POLD3: variants seen among roughly 807,000 people sequenced by gnomAD.
POLD3 encodes DNA polymerase delta 3, accessory subunit.
In POLD3, 19 loss-of-function variants were observed where a neutral mutation model predicts 58.2. The observed-to-expected ratio is 0.33, with a 90% confidence interval of 0.23 to 0.48. POLD3 has a LOEUF of 0.48. POLD3 is among the 20% of genes least tolerant of loss of function. The pLI is 0.99. For missense variants in POLD3, 504 were observed against 545.5 expected, an observed-to-expected ratio of 0.92 and a Z score of 0.76; for synonymous variants, 172 against 193.5, an observed-to-expected ratio of 0.89 and a Z score of 0.92.
Position 74,618,802 on chromosome 11 carries a change from A to C in POLD3, c.658A>C (p.Asn220His), listed in dbSNP as rs993175051. The change falls in exon 6 of 12, where the codon AAT becomes CAT. Residue 220 changes from asparagine to histidine, a missense_variant and splice_region_variant. Transcript: ENST00000263681. ...GAAAACAGAGGCTAAAGAAGTAACA[A>C]ATGTAAGTCTTCTTTGAAGATACCC... ...ETKTEAKEVT[N>H]ASAAGNKAPG... 1.2e-6 allele frequency: 2 copies of C among 1,608,722 alleles called. No homozygotes were observed. The highest frequency in any genetic ancestry group is 3.3e-5 in the Admixed American group (2 of 59,794).
intron 5 of POLD3, among the ~76,000 whole-genome samples, chr11:74,616,966 A>C (rs1591302713): frequency 6.6e-6 from 1 of 152,204 alleles, no homozygotes; most frequent in South Asian, 2.1e-4. Context: ...TTCTTTCAAC[A>C]TGTCGTTTCC....
chr11:74,640,602 A>T lies in POLD3; in HGVS notation c.1237A>T (p.Ser413Cys), dbSNP rs547610556. ...KVYESESCTD[S>C]EEELNMKTSS... ...CTACGAGAGTGAATCCTGCACAGAT[A>T]GTGAAGAGGAGCTTAACATGAAGAC... The change falls in exon 12 of 12, where the codon AGT (serine) becomes TGT (cysteine). Residue 413 changes from serine (S) to cysteine (C), a missense_variant. This residue lies in a region of POLD3 where 385 missense variants were observed against 370.5 expected (regional missense o/e 1.04). Transcript: ENST00000263681. 1 of 1,600,798 alleles carries T rather than the reference A, an allele frequency of 6.2e-7. No homozygotes were observed. The highest frequency in any genetic ancestry group is 8.5e-7 in the Non-Finnish European group (1 of 1,174,620).
intron 10 of POLD3, 48 bp downstream of exon 10, chr11:74,634,743 T>A: frequency 9.4e-7 from 1 of 1,061,030 alleles, no homozygotes; most frequent in Non-Finnish European, 1.5e-6. Context: ...CTTTGTGTCT[T>A]AAGGACCTAC....
At chr11:74,633,488 A>G (rs554274305) in intron 9 of POLD3, among the ~76,000 whole-genome samples, 1 of 152,312 alleles carries the variant, frequency 6.6e-6, no homozygotes, top group African/African-American at 2.4e-5. Flanking sequence ...CATAATTTTT[A>G]ACACTGACCT....
chr11:74,656,647 A>C (rs894468166), intron 4 of POLD3, among the ~76,000 whole-genome samples: 4 of 152,010 alleles, frequency 2.6e-5, no homozygotes, highest in Non-Finnish European at 5.9e-5. Context: ...ATGTAGTTTA[A>C]TTTCCATGTG....
chr11:74,610,753 C>G (rs1301432177), intron 3 of POLD3, among the ~76,000 whole-genome samples: 2 of 152,050 alleles, frequency 1.3e-5, no homozygotes, highest in East Asian at 3.9e-4. Context: ...AGAATTCACA[C>G]ATGTTTTCAT....
chr11:74,642,508 C>T lies in POLD3; in HGVS notation c.*1742C>T, dbSNP rs1178773996. On this transcript the variant is annotated 3_prime_UTR_variant, in exon 12 of 12. Coordinates refer to ENST00000263681, the MANE Select transcript of POLD3 (RefSeq NM_006591.3). ...TTTTCTAAAAATTATGCTGGGGTCTCGACTAAAACTGAATTTGAATTGGAA... is the reference window on the plus strand; with the variant it reads ...TTTTCTAAAAATTATGCTGGGGTCTTGACTAAAACTGAATTTGAATTGGAA... 1.9e-5 allele frequency: 19 copies of T among 984,642 alleles called. No homozygotes were observed. The highest frequency in any genetic ancestry group is 1.4e-4 in the South Asian group (3 of 21,276). The allele number at this position is 984,642 out of a possible 1,614,324, so 61.0% of individuals were successfully genotyped here.
chr11:74,653,641 A>G (rs1028074188), intron 4 of POLD3, among the ~76,000 whole-genome samples: 1 of 152,242 alleles, frequency 6.6e-6, no homozygotes, highest in Non-Finnish European at 1.5e-5. Flanking sequence ...AAAAAGGACA[A>G]AGAATAGATG....
At chr11:74,608,553 C>T (rs1160185852) in intron 3 of POLD3, among the ~76,000 whole-genome samples, 3 of 152,208 alleles carry the variant, frequency 2.0e-5, no homozygotes, top group East Asian at 1.9e-4. Flanking sequence ...CCCTAACTCC[C>T]GTGTCCACTT....
chr11:74,654,603 C>G (rs2033109708), intron 4 of POLD3, among the ~76,000 whole-genome samples: 1 of 152,158 alleles, frequency 6.6e-6, no homozygotes, highest in African/African-American at 2.4e-5. Flanking sequence ...TACTGACCCT[C>G]AAGTAAAAAT....
chr11:74,656,593 A>G (rs1246479252), intron 4 of POLD3, among the ~76,000 whole-genome samples: 2 of 152,038 alleles, frequency 1.3e-5, no homozygotes, highest in Admixed American at 1.3e-4. Flanking sequence ...TCTCAAAAAA[A>G]AAAATTCTTC....
At chr11:74,623,786 T>A (rs2032340324) in intron 7 of POLD3, among the ~76,000 whole-genome samples, 1 of 152,216 alleles carries the variant, frequency 6.6e-6, no homozygotes, top group African/African-American at 2.4e-5. Flanking sequence ...GGTGACTTGA[T>A]CATTCAGGTA....
chr11:74,667,523 C>A (rs1052860027), intron 4 of POLD3, among the ~76,000 whole-genome samples: 8 of 151,874 alleles, frequency 5.3e-5, no homozygotes, highest in Admixed American at 5.2e-4. Flanking sequence ...GAGTGAGACT[C>A]CGTCTCAAAA....
intron 3 of POLD3, among the ~76,000 whole-genome samples, chr11:74,609,344 TGATATATATATATATATATATATA>T (rs2031807177): frequency 1.5e-5 from 1 of 65,004 alleles, no homozygotes; most frequent in African/African-American, 7.0e-5. Context: ...CCATTGTTTT[TGATATATATATATATATATATATA>T]TATATTTTTT....
intron 7 of POLD3, among the ~76,000 whole-genome samples, chr11:74,621,105 G>A (rs1462881009): frequency 6.6e-6 from 1 of 152,100 alleles, no homozygotes; most frequent in Non-Finnish European, 1.5e-5. Flanking sequence ...GGCACAGTTG[G>A]TGCACAGGGA....
chr11:74,604,009 A>G (rs1201750888), intron 2 of POLD3, among the ~76,000 whole-genome samples: 1 of 152,248 alleles, frequency 6.6e-6, no homozygotes, highest in Non-Finnish European at 1.5e-5. Context: ...TTAATGAATT[A>G]TTCTGAATAC....
Position 74,632,517 on chromosome 11 carries a change from A to C in POLD3, c.1007-2066A>C, listed in dbSNP as rs539035108. Among the ~76,000 whole-genome samples the C allele has an allele frequency of 2.8e-4, 42 of 152,334 alleles. No homozygotes were observed. In the South Asian group the frequency reaches 8.3e-3, roughly 30 times the overall value. On this transcript the variant is annotated intron_variant, in intron 9 of 11. Coordinates refer to ENST00000263681, the MANE Select transcript of POLD3 (RefSeq NM_006591.3). Reference sequence around the variant, plus strand: ...TAGTACATGAATGGCGGCACGTTTAAACAAAGCAGTAGATATTTACAATTT... The same window carrying C: ...TAGTACATGAATGGCGGCACGTTTACACAAAGCAGTAGATATTTACAATTT...
At chr11:74,650,873 T>C (rs188927155) in intron 4 of POLD3, among the ~76,000 whole-genome samples, 485 of 152,308 alleles carry the variant, frequency 3.2e-3, no homozygotes, top group Non-Finnish European at 5.5e-3. Context: ...CTCTTCTTCA[T>C]GGACAGCATG....
intron 6 of POLD3, 116 bp downstream of exon 6, chr11:74,618,920 T>C (rs964114065): frequency 2.3e-6 from 2 of 886,908 alleles, no homozygotes; most frequent in African/African-American, 1.7e-5. Flanking sequence ...TCAGTTCTGA[T>C]TTTTCTACTT....
Sources: allele counts gnomAD v4.1 joint callset (sites outside exome capture counted in the v4.1 genomes callset), GRCh38; gene constraint gnomAD v4.1.1; regional missense constraint gnomAD v4.1.1; transcripts MANE v1.5; gene names NCBI Gene and HGNC (gene_info 2026-07-23, HGNC 2026-07-21).